Variants in CSMD3 observed in about 807,000 individuals in gnomAD.
CSMD3 encodes CUB and Sushi multiple domains 3, also known as CUB and sushi domain-containing protein 3.
CSMD3 carries 177 observed loss-of-function variants against 435.2 expected under a neutral mutation model. That is an observed-to-expected ratio of 0.41 (90% CI 0.36 to 0.46). The LOEUF is 0.46. Ranked by LOEUF, CSMD3 falls within the 20% of genes least tolerant of loss-of-function variation. The probability of loss-of-function intolerance (pLI) is 0.34; values close to 1 mark genes in which losing one functional copy is unlikely to be tolerated. For missense variants in CSMD3, 4,265 were observed against 4,504.6 expected, an observed-to-expected ratio of 0.95 and a Z score of 1.52; for synonymous variants, 1,656 against 1,520.5, an observed-to-expected ratio of 1.09 and a Z score of -2.07.
At chr8:113,245,030 T>G (rs989062238) in intron 3 of CSMD3, among the ~76,000 whole-genome samples, 2 of 152,158 alleles carry the variant, frequency 1.3e-5, no homozygotes, top group Non-Finnish European at 2.9e-5. Context: ...CATTAGAAAA[T>G]GTCCCTCTTT....
intron 6 of CSMD3, among the ~76,000 whole-genome samples, chr8:113,015,867 T>C (rs974708243): frequency 6.6e-5 from 10 of 151,784 alleles, no homozygotes; most frequent in African/African-American, 4.8e-5. Context: ...GACAATAATA[T>C]AGAGTTTTCA....
chr8:113,153,791 T>TCTC (rs1301271187), intron 4 of CSMD3, among the ~76,000 whole-genome samples: 1 of 152,032 alleles, frequency 6.6e-6, no homozygotes, highest in Admixed American at 6.6e-5. Flanking sequence ...CTTTTGACTT[T>TCTC]CTCCTCTACA....
intron 1 of CSMD3, among the ~76,000 whole-genome samples, chr8:113,434,188 T>G (rs988576541): frequency 2.0e-5 from 3 of 152,086 alleles, no homozygotes; most frequent in Non-Finnish European, 4.4e-5. Context: ...GATGGTGTAA[T>G]TCTCGTGGCT....
intron 10 of CSMD3, among the ~76,000 whole-genome samples, chr8:112,864,420 T>G (rs978569038): frequency 1.3e-5 from 2 of 152,012 alleles, no homozygotes; most frequent in Admixed American, 1.3e-4. Flanking sequence ...GGTTCATTTT[T>G]TTGTACTTTT....
intron 22 of CSMD3, among the ~76,000 whole-genome samples, chr8:112,611,828 A>T (rs1833283260): frequency 6.6e-6 from 1 of 152,210 alleles, no homozygotes; most frequent in Admixed American, 6.5e-5. Context: ...AAATATATTC[A>T]AATTTCACTT....
At chr8:113,105,713 A>C (rs1338317722) in intron 4 of CSMD3, among the ~76,000 whole-genome samples, 1 of 152,182 alleles carries the variant, frequency 6.6e-6, no homozygotes, top group Non-Finnish European at 1.5e-5. Flanking sequence ...CCTAGAGTTA[A>C]GGCCACTTAA....
intron 7 of CSMD3, among the ~76,000 whole-genome samples, chr8:112,962,326 A>C (rs180798698): frequency 5.3e-5 from 8 of 151,970 alleles, no homozygotes; most frequent in African/African-American, 1.7e-4. Flanking sequence ...TCATGATAAA[A>C]TATTATTACA....
Position 112,410,265 on chromosome 8 carries a change from C to T in CSMD3, c.5396-1233G>A, listed in dbSNP as rs969961788. On this transcript the variant is annotated intron_variant, in intron 32 of 70. Coordinates refer to ENST00000297405, the MANE Select transcript of CSMD3 (RefSeq NM_198123.2). ...AAAATGAAAATATTAACAGATACAGCGATGTTTCTTTGAACGTTTCTGAAC... is the reference window on the plus strand; with the variant it reads ...AAAATGAAAATATTAACAGATACAGTGATGTTTCTTTGAACGTTTCTGAAC... Among the ~76,000 whole-genome samples, 15 of 126,414 alleles carry T rather than the reference C, an allele frequency of 1.2e-4. No individual in the cohort carries two copies. In the South Asian group the frequency reaches 3.4e-3, roughly 29 times the overall value. The allele number at this position is 126,414 out of a possible 152,430, so 82.9% of individuals were successfully genotyped here.
intron 28 of CSMD3, among the ~76,000 whole-genome samples, chr8:112,514,865 A>C (rs1823508357): frequency 6.6e-6 from 1 of 152,050 alleles, no homozygotes; most frequent in Non-Finnish European, 1.5e-5. Flanking sequence ...TTTAGAGGTC[A>C]AGCATTCTGC....
At chr8:113,407,957 G>GA (rs931511379) in intron 1 of CSMD3, among the ~76,000 whole-genome samples, 2 of 151,714 alleles carry the variant, frequency 1.3e-5, no homozygotes, top group South Asian at 2.1e-4. Flanking sequence ...TAAAGTTATA[G>GA]AAAAAAAATC....
At chr8:113,360,009 A>G (rs1335490114) in intron 1 of CSMD3, among the ~76,000 whole-genome samples, 1 of 152,204 alleles carries the variant, frequency 6.6e-6, no homozygotes, top group Non-Finnish European at 1.5e-5. Flanking sequence ...ATGTTTACAC[A>G]CACATTGAGG....
chr8:113,412,764 G>A (rs139891800), intron 1 of CSMD3, among the ~76,000 whole-genome samples: 1 of 151,976 alleles, frequency 6.6e-6, no homozygotes, highest in East Asian at 1.9e-4. Flanking sequence ...CTGCATGAAC[G>A]ATTGTTTTTA....
At chr8:112,299,081 A>C (rs1040423942) in intron 53 of CSMD3, among the ~76,000 whole-genome samples, 1 of 152,142 alleles carries the variant, frequency 6.6e-6, no homozygotes. Context: ...AAGAGAATAA[A>C]AGAAGCCTTA....
At chr8:112,818,162 A>G (rs1383927862) in intron 12 of CSMD3, among the ~76,000 whole-genome samples, 4 of 152,030 alleles carry the variant, frequency 2.6e-5, no homozygotes, top group Non-Finnish European at 5.9e-5. Flanking sequence ...AACAAAATGA[A>G]ACACAAAAAG....
chr8:112,443,262 C>A (rs1277908816), intron 32 of CSMD3, among the ~76,000 whole-genome samples: 1 of 152,130 alleles, frequency 6.6e-6, no homozygotes, highest in African/African-American at 2.4e-5. Context: ...GATTCGTGAA[C>A]CTTACAGGTA....
chr8:113,358,057 A>G (rs1426449947), intron 1 of CSMD3, among the ~76,000 whole-genome samples: 2 of 152,246 alleles, frequency 1.3e-5, no homozygotes, highest in African/African-American at 2.4e-5. Flanking sequence ...AGTATTCCAC[A>G]TAAAAACATC....
chr8:113,151,484 A>C (rs2091804480), intron 4 of CSMD3, among the ~76,000 whole-genome samples: 1 of 152,000 alleles, frequency 6.6e-6, no homozygotes, highest in African/African-American at 2.4e-5. Context: ...TGAGAATAAT[A>C]TAAACAATAG....
chr8:113,045,986 C>G (rs767199406), intron 5 of CSMD3, among the ~76,000 whole-genome samples: 2 of 149,378 alleles, frequency 1.3e-5, no homozygotes, highest in Non-Finnish European at 3.0e-5. Context: ...TTTTGCCTGC[C>G]TTTAAATGAC....
At chr8:113,087,828 C>T (rs1221250037) in intron 5 of CSMD3, among the ~76,000 whole-genome samples, 1 of 152,124 alleles carries the variant, frequency 6.6e-6, no homozygotes, top group Non-Finnish European at 1.5e-5. Flanking sequence ...ACACCAAAAG[C>T]AATGGCAACA....
Sources: allele counts gnomAD v4.1 joint callset (sites outside exome capture counted in the v4.1 genomes callset), GRCh38; gene constraint gnomAD v4.1.1; transcripts MANE v1.5; gene names NCBI Gene and HGNC (gene_info 2026-07-23, HGNC 2026-07-21).